CABIN1: variants seen among roughly 807,000 people sequenced by gnomAD.
CABIN1 encodes calcineurin binding protein 1.
CABIN1 carries 133 observed loss-of-function variants against 227.7 expected under a neutral mutation model. That is an observed-to-expected ratio of 0.58 (90% CI 0.51 to 0.67). CABIN1 has a LOEUF of 0.67. Among genes scored for constraint, CABIN1 ranks in the 30% least tolerant of loss-of-function variants. The pLI, the probability that CABIN1 is intolerant of heterozygous loss-of-function variation, is 0.00. For synonymous variants in CABIN1, 1,086 were observed against 1,155.1 expected, an observed-to-expected ratio of 0.94 and a Z score of 1.21; for missense variants, 2,408 against 2,852.5, an observed-to-expected ratio of 0.84 and a Z score of 3.55.
chr22:24,113,523 G>A (rs760289352), intron 26 of CABIN1, 43 bp from the exon 27 acceptor site: 15 of 1,584,454 alleles, frequency 9.5e-6, no homozygotes, highest in Admixed American at 5.0e-5. Flanking sequence ...TGGAGGTGGT[G>A]TAGGTTAATG....
At chr22:24,088,516 G>GAGA (rs982092664) in intron 23 of CABIN1, among the ~76,000 whole-genome samples, 1 of 152,152 alleles carries the variant, frequency 6.6e-6, no homozygotes, top group Non-Finnish European at 1.5e-5. Context: ...GCTGAGGCAG[G>GAGA]AGAATTGCTT....
chr22:24,103,641 C>A (rs886801134), intron 26 of CABIN1, among the ~76,000 whole-genome samples: 1 of 152,160 alleles, frequency 6.6e-6, no homozygotes, highest in Non-Finnish European at 1.5e-5. Flanking sequence ...TCAGTTTGTT[C>A]TGCTTGTTCC....
chr22:24,136,725 TCACACACACACACGCACA>T (rs1179209343), intron 29 of CABIN1, among the ~76,000 whole-genome samples: 25 of 143,518 alleles, frequency 1.7e-4, no homozygotes, highest in Non-Finnish European at 3.2e-4. Context: ...AAACAATACA[TCACACACACACACGCACA>T]CACACACACA....
intron 15 of CABIN1, among the ~76,000 whole-genome samples, chr22:24,066,040 C>T (rs997716677): frequency 6.7e-6 from 1 of 150,312 alleles, no homozygotes; most frequent in Non-Finnish European, 1.5e-5. Context: ...AGAGGGAGAC[C>T]GTAGGGAGAG....
intron 4 of CABIN1, among the ~76,000 whole-genome samples, chr22:24,040,021 C>T (rs1376808138): frequency 6.6e-6 from 1 of 152,164 alleles, no homozygotes; most frequent in East Asian, 1.9e-4. Flanking sequence ...TGTAGGTAGT[C>T]TGTTAGGTGG....
At chr22:24,141,558 A>T (rs1458116008) in intron 29 of CABIN1, among the ~76,000 whole-genome samples, 1 of 152,346 alleles carries the variant, frequency 6.6e-6, no homozygotes, top group East Asian at 1.9e-4. Context: ...GTGTTTTGGC[A>T]GAGCCAGGCC....
At chr22:24,156,853 C>T (rs1438992022) in intron 29 of CABIN1, among the ~76,000 whole-genome samples, 1 of 152,110 alleles carries the variant, frequency 6.6e-6, no homozygotes, top group African/African-American at 2.4e-5. Context: ...CTGCTTTTCC[C>T]GGGAGGGGGA....
intron 7 of CABIN1, 83 bp downstream of exon 7, chr22:24,049,303 C>G: frequency 6.5e-7 from 1 of 1,532,758 alleles, no homozygotes; most frequent in Non-Finnish European, 8.9e-7. Context: ...ATTCTCCCCT[C>G]AGGTCCCATG....
intron 19 of CABIN1, among the ~76,000 whole-genome samples, chr22:24,080,476 T>C (rs1160574517): frequency 6.6e-6 from 1 of 152,234 alleles, no homozygotes; most frequent in Non-Finnish European, 1.5e-5. Context: ...ACAGATTAAT[T>C]TGCAAAATAA....
intron 29 of CABIN1, among the ~76,000 whole-genome samples, chr22:24,152,934 A>G (rs1228644272): frequency 4.3e-5 from 1 of 23,354 alleles, no homozygotes; most frequent in African/African-American, 1.9e-4. Context: ...TGGGCGACAG[A>G]GCAGAGAAAA....
chr22:24,082,120 A>G (rs1379455940), intron 19 of CABIN1, among the ~76,000 whole-genome samples: 1 of 123,870 alleles, frequency 8.1e-6, no homozygotes, highest in Non-Finnish European at 1.6e-5. Flanking sequence ...ACAGGGTCTC[A>G]CTCTGTTGCC....
At chr22:24,162,710 A>G (rs967346794) in intron 29 of CABIN1, among the ~76,000 whole-genome samples, 15 of 152,222 alleles carry the variant, frequency 9.9e-5, no homozygotes, top group African/African-American at 2.7e-4. Flanking sequence ...GGCGGTGTCT[A>G]TGGTTCCCTT....
chr22:24,023,930 A>C (rs2035903015), intron 1 of CABIN1, among the ~76,000 whole-genome samples: 1 of 151,938 alleles, frequency 6.6e-6, no homozygotes, highest in Admixed American at 6.6e-5. Flanking sequence ...ATGGGGTTTC[A>C]CCATGTTGGC....
rs753691699 is a variant in CABIN1 at position 24,062,984 on chromosome 22, T to C, written c.1722T>C (p.Gly574=). The change falls in exon 14 of 37, where the codon GGT becomes GGC. Residue 574 remains glycine (G), a synonymous_variant. Coordinates refer to ENST00000263119, the MANE Select transcript of CABIN1 (RefSeq NM_012295.4). ...TGTCTCCTCGGAACTGCCCTGCTGG[T>C]ATGGTGAATGGCAGATTTGGACCTG... ...SAVSPRNCPA[G]MVNGRFGPDF... is the part of the protein sequence containing the mutation. 5 of 1,614,144 alleles carry C rather than the reference T, an allele frequency of 3.1e-6. No individual in the cohort carries two copies. In the South Asian group the frequency reaches 3.3e-5, roughly 11 times the overall value.
At chr22:24,060,737 A>G (rs2039127954) in intron 12 of CABIN1, among the ~76,000 whole-genome samples, 1 of 151,924 alleles carries the variant, frequency 6.6e-6, no homozygotes, top group Non-Finnish European at 1.5e-5. Flanking sequence ...TCAGCCTTCA[A>G]AGTAGCTGGA....
At position 24,135,645 on chromosome 22, in the gene CABIN1, TCCCAG is replaced by T. The variant is rs1285579627; in HGVS notation, c.4746+1232_4746+1236del. Among the ~76,000 whole-genome samples the T allele has an allele frequency of 5.9e-5, 9 of 152,228 alleles. No individual in the cohort carries two copies. In the South Asian group the frequency reaches 1.7e-3, roughly 28 times the overall value. ...CAAGTCCTTACCTATCCACCGCCCCTCCCAGCATGGCCAGCTCCCAGCTGGATGAC... is the reference window on the plus strand; with the variant it reads ...CAAGTCCTTACCTATCCACCGCCCCTCATGGCCAGCTCCCAGCTGGATGAC... On this transcript the variant is annotated intron_variant, in intron 29 of 36. Transcript: ENST00000263119.
In CABIN1 at chr22:24,177,852, G is replaced by T; in HGVS notation, c.6519+35G>T. On this transcript the variant is annotated intron_variant, in intron 36 of 36. Transcript: ENST00000263119. This position sits in a 1 kb window ranked among gnomAD's most constrained non-coding sequence, Gnocchi z 4.4. Reference sequence around the variant, plus strand: ...GGGGCTGGGCTGGAGCCATGTGTGGGTGGGAGGCATAGGTTACAAAGGGGG... The same window carrying T: ...GGGGCTGGGCTGGAGCCATGTGTGGTTGGGAGGCATAGGTTACAAAGGGGG... 1 of 1,594,884 alleles carries T rather than the reference G, an allele frequency of 6.3e-7. No homozygotes were observed. Among genetic ancestry groups the T allele is most frequent in the Non-Finnish European group, 8.6e-7 (1 of 1,167,270 alleles).
chr22:24,045,330 G>A lies in CABIN1; in HGVS notation c.526+2246G>A, dbSNP rs554516971. On this transcript the variant is annotated intron_variant, in intron 6 of 36. Coordinates refer to ENST00000263119, the MANE Select transcript of CABIN1 (RefSeq NM_012295.4). Reference sequence around the variant, plus strand: ...GTTCTAAAGCTCTTTCCAACACCAGGTGTGGTAGCTACAGGTAGCATGCCT... The same window carrying A: ...GTTCTAAAGCTCTTTCCAACACCAGATGTGGTAGCTACAGGTAGCATGCCT... Among the ~76,000 whole-genome samples, 77 of 152,090 alleles carry A rather than the reference G, an allele frequency of 5.1e-4. 1 individual carries two copies. The highest frequency in any genetic ancestry group is 7.5e-4 in the Non-Finnish European group (51 of 68,014).
In CABIN1 at chr22:24,072,464, C is replaced by T. The variant is rs769720128; in HGVS notation, c.2586C>T (p.Phe862=). Residue 862 remains phenylalanine, a synonymous_variant, in exon 18 of 37, where the codon TTC becomes TTT. Transcript: ENST00000263119. The part of the protein sequence containing the change: ...HRIIWQEEDT[F]HSLCHQQQLQ... ...TCATCTGGCAGGAGGAAGACACCTT[C>T]CATTCTCTGTGCCACCAGCAGCAGC... 1.2e-6 allele frequency: 2 copies of T among 1,614,222 alleles called. No homozygotes were observed. Among genetic ancestry groups the T allele is most frequent in the Non-Finnish European group, 8.5e-7 (1 of 1,180,048 alleles).
Sources: allele counts gnomAD v4.1 joint callset (sites outside exome capture counted in the v4.1 genomes callset), GRCh38; gene constraint gnomAD v4.1.1; non-coding constraint Gnocchi (gnomAD v3.1); transcripts MANE v1.5; gene names NCBI Gene and HGNC (gene_info 2026-07-23, HGNC 2026-07-21).